The following MPC2 variants were observed in gnomAD, a reference collection of about 807,000 sequenced individuals.
MPC2 encodes the protein brain protein 44.
In MPC2, 19 loss-of-function variants were observed where a neutral mutation model predicts 19.2. The ratio of observed to expected loss-of-function variants is 0.99; its 90% CI spans 0.69 to 1.45. The LOEUF (loss-of-function observed/expected upper bound fraction) is 1.45, where lower values mean the gene tolerates loss of function less well. Among genes scored for constraint, MPC2 ranks in the 40% most tolerant of loss-of-function variants. MPC2 has a pLI of 0.00. For missense variants in MPC2, 122 were observed against 153.0 expected (o/e 0.80, Z 1.07); for synonymous variants, 61 against 54.3 (o/e 1.12, Z -0.54).
intron 2 of MPC2, among the ~76,000 whole-genome samples, chr1:167,925,876 A>G (rs1033834449): frequency 6.6e-6 from 1 of 152,322 alleles, no homozygotes; most frequent in African/African-American, 2.4e-5. Context: ...CTTTAAAATC[A>G]TAAGTTGTTT....
chr1:167,930,548 G>C (rs574842333), intron 2 of MPC2, among the ~76,000 whole-genome samples: 6 of 152,232 alleles, frequency 3.9e-5, no homozygotes, highest in Non-Finnish European at 7.4e-5. Context: ...CTGAATGTAA[G>C]AAAAGTCCTA....
At chr1:167,936,752 G>A in intron 1 of MPC2, 187 bp downstream of exon 1, 4 of 633,032 alleles carry the variant, frequency 6.3e-6, no homozygotes, top group Non-Finnish European at 1.1e-5. Flanking sequence ...GGGCTTCAGG[G>A]GCCCAGGCGC....
chr1:167,924,453 A>C, intron 3 of MPC2, 44 bp downstream of exon 3: 1 of 1,531,104 alleles, frequency 6.5e-7, no homozygotes, highest in South Asian at 1.2e-5. Flanking sequence ...ATTCCTATTA[A>C]GGAATTTGTC....
intron 1 of MPC2, chr1:167,936,447 C>G (rs1671222539): frequency 5.5e-6 from 1 of 181,548 alleles, no homozygotes; most frequent in African/African-American, 2.4e-5. Context: ...TCTCTCTCTA[C>G]TCGTCTTTTA....
chr1:167,930,793 A>C (rs1362974595), intron 2 of MPC2, among the ~76,000 whole-genome samples: 2 of 152,240 alleles, frequency 1.3e-5, no homozygotes, highest in African/African-American at 4.8e-5. Flanking sequence ...AGCAAAATTA[A>C]TATTTTTACA....
At chr1:167,935,697 G>A (rs1488123959) in intron 2 of MPC2, 36 bp downstream of exon 2, 2 of 1,515,706 alleles carry the variant, frequency 1.3e-6, no homozygotes, top group South Asian at 1.2e-5. Flanking sequence ...AAGCGAGAAG[G>A]AAGGTCTCGA....
chr1:167,932,823 A>AAAAAGAAAAG (rs1268260359), intron 2 of MPC2, among the ~76,000 whole-genome samples: 3 of 150,652 alleles, frequency 2.0e-5, no homozygotes, highest in African/African-American at 7.4e-5. Context: ...AAAAAAAAAA[A>AAAAAGAAAAG]AAAAGAAAAG....
At chr1:167,935,659 A>T in intron 2 of MPC2, 74 bp downstream of exon 2, 2 of 1,265,406 alleles carry the variant, frequency 1.6e-6, no homozygotes, top group Non-Finnish European at 2.3e-6. Context: ...CAGTTGTCAG[A>T]GGGCCTCTAA....
intron 3 of MPC2, 168 bp downstream of exon 3, chr1:167,924,329 A>T (rs1162358004): frequency 4.0e-6 from 2 of 495,560 alleles, no homozygotes; most frequent in South Asian, 8.1e-5. Context: ...TAAAGTAGAT[A>T]GTTGCTTTAT....
Position 167,920,556 on chromosome 1 carries a change from T to A in MPC2, c.226A>T (p.Met76Leu), listed in dbSNP as rs1452711111. The A allele has an allele frequency of 6.2e-7, 1 of 1,613,854 alleles. No homozygotes were observed. The highest frequency in any genetic ancestry group is 2.2e-5 in the East Asian group (1 of 44,826). ...KLSTAQSAVLMATGFIWSRYS... is the reference protein window; with the variant it reads ...KLSTAQSAVLLATGFIWSRYS... ...TATTTATTTAATTTACCTGTAGCCA[T>A]CAAAACAGCAGATTGAGCTGTGCTA... The change falls in exon 4 of 6, where the codon ATG becomes TTG. Residue 76 changes from methionine to leucine, a missense_variant. Met to Leu is a conservative substitution (Grantham distance 15). Transcript: ENST00000271373.
intron 2 of MPC2, among the ~76,000 whole-genome samples, chr1:167,933,174 T>G (rs1259924163): frequency 6.6e-6 from 1 of 151,728 alleles, no homozygotes; most frequent in African/African-American, 2.4e-5. Flanking sequence ...CATTAGTTTT[T>G]TTTTTTTTTT....
intron 2 of MPC2, among the ~76,000 whole-genome samples, chr1:167,933,519 A>C (rs1670973082): frequency 6.6e-6 from 1 of 152,244 alleles, no homozygotes; most frequent in African/African-American, 2.4e-5. Flanking sequence ...GATAAAATTA[A>C]ATCTCAAAAA....
Position 167,935,910 on chromosome 1 carries a change from G to C in MPC2, c.-57-12C>G. 1 of 1,219,132 alleles carries C rather than the reference G, an allele frequency of 8.2e-7. No homozygotes were observed. The highest frequency in any genetic ancestry group is 1.5e-5 in the African/African-American group (1 of 66,436). 75.5% of individuals were successfully genotyped at this position (1,219,132 alleles called of 1,614,324 possible). A position where few individuals can be genotyped will look rare whatever the true frequency, so the allele number is the denominator to read the frequency against. On this transcript the variant is annotated splice_polypyrimidine_tract_variant and intron_variant, in intron 1 of 5. Transcript: ENST00000271373. Reference sequence around the variant, plus strand: ...GTTCTCGTCCCTGGCTGACAACGAAGGGGAGCTAGTCACTTTTCCTGCCAC... The same window carrying C: ...GTTCTCGTCCCTGGCTGACAACGAACGGGAGCTAGTCACTTTTCCTGCCAC...
At chr1:167,920,240 T>TA in intron 4 of MPC2, 150 bp from the exon 5 acceptor site, 1 of 604,998 alleles carries the variant, frequency 1.7e-6, no homozygotes, top group South Asian at 2.5e-5. Context: ...TTCTGTAACT[T>TA]AGTGTCACAG....
chr1:167,921,229 CA>C (rs1670592202), intron 3 of MPC2, among the ~76,000 whole-genome samples: 1 of 150,644 alleles, frequency 6.6e-6, no homozygotes, highest in Non-Finnish European at 1.5e-5. Context: ...TTGGTTAGAT[CA>C]TTTTTTTTTT....
In MPC2 at chr1:167,935,873, G is replaced by A; in HGVS notation, c.-32C>T. ...CGAGGGATCGTTGGCAGCCGGGTGG[G>A]AGCGTGGCTGTGTTCTCGTCCCTGG... On this transcript the variant is annotated 5_prime_UTR_variant, in exon 2 of 6. Coordinates refer to ENST00000271373, the MANE Select transcript of MPC2 (RefSeq NM_001143674.4). 6.7e-7 allele frequency: 1 copy of A among 1,498,056 alleles called. No homozygotes were observed. Among genetic ancestry groups the A allele is most frequent in the Non-Finnish European group, 9.1e-7 (1 of 1,100,590 alleles). The allele number at this position is 1,498,056 out of a possible 1,614,324, so 92.8% of individuals were successfully genotyped here.
intron 2 of MPC2, 139 bp from the exon 3 acceptor site, chr1:167,924,676 T>C: frequency 1.7e-6 from 1 of 592,146 alleles, no homozygotes. Context: ...TTTTGCATAC[T>C]TTGTATTTCA....
intron 2 of MPC2, among the ~76,000 whole-genome samples, chr1:167,934,541 T>C (rs1671007708): frequency 6.6e-6 from 1 of 152,218 alleles, no homozygotes; most frequent in African/African-American, 2.4e-5. Flanking sequence ...GGGTTCAATG[T>C]TGCAGTAAAT....
intron 2 of MPC2, among the ~76,000 whole-genome samples, chr1:167,926,188 C>T (rs1670752293): frequency 6.6e-6 from 1 of 152,224 alleles, no homozygotes; most frequent in Middle Eastern, 3.4e-3. Flanking sequence ...TCGAATTTTC[C>T]GTATTTTAAG....
Sources: allele counts gnomAD v4.1 joint callset (sites outside exome capture counted in the v4.1 genomes callset), GRCh38; gene constraint gnomAD v4.1.1; transcripts MANE v1.5; gene names NCBI Gene and HGNC (gene_info 2026-07-23, HGNC 2026-07-21).